ELOVL4: variants seen among roughly 807,000 people sequenced by gnomAD.
The protein encoded by ELOVL4 is very long chain fatty acid elongase 4.
Under a neutral mutation model 42.1 loss-of-function variants are expected in ELOVL4, and 18 were observed. That is an observed-to-expected ratio of 0.43 (90% CI 0.30 to 0.63). ELOVL4 has a LOEUF of 0.63. Ranked by LOEUF, ELOVL4 falls within the 30% of genes least tolerant of loss-of-function variation. The pLI, the probability that ELOVL4 is intolerant of heterozygous loss-of-function variation, is 0.15. For missense variants in ELOVL4, 299 were observed against 376.2 expected (o/e 0.79, Z 1.70); for synonymous variants, 117 against 127.0 (o/e 0.92, Z 0.53).
chr6:79,946,651 T>G (rs1485190649), intron 1 of ELOVL4, among the ~76,000 whole-genome samples: 1 of 152,194 alleles, frequency 6.6e-6, no homozygotes, highest in East Asian at 1.9e-4. Context: ...CAGTCCGAAT[T>G]ATACTATAGA....
At chr6:79,941,438 TTA>T (rs1482092402) in intron 1 of ELOVL4, among the ~76,000 whole-genome samples, 5 of 152,196 alleles carry the variant, frequency 3.3e-5, no homozygotes, top group African/African-American at 1.2e-4. Context: ...ATATCTGATT[TTA>T]TATGTCTTGG....
At chr6:79,916,907 A>G (rs995107040) in intron 5 of ELOVL4, 24 bp from the exon 6 acceptor site, 5 of 1,613,810 alleles carry the variant, frequency 3.1e-6, no homozygotes, top group Non-Finnish European at 4.2e-6. Flanking sequence ...ATGACAGCAC[A>G]AAACATTTAA....
intron 1 of ELOVL4, among the ~76,000 whole-genome samples, chr6:79,942,414 T>TA (rs1582056694): frequency 1.3e-5 from 2 of 152,276 alleles, no homozygotes; most frequent in South Asian, 2.1e-4. Context: ...TGAAAAAAGA[T>TA]AGACTGTTAC....
At chr6:79,942,934 G>A (rs151278157) in intron 1 of ELOVL4, among the ~76,000 whole-genome samples, 1 of 151,558 alleles carries the variant, frequency 6.6e-6, no homozygotes, top group African/African-American at 2.4e-5. Context: ...GAGCTTATGA[G>A]TAAAGGATAA....
chr6:79,940,673 G>A (rs1011658033), intron 1 of ELOVL4, among the ~76,000 whole-genome samples: 1 of 152,142 alleles, frequency 6.6e-6, no homozygotes, highest in African/African-American at 2.4e-5. Context: ...TAAAGGTTAT[G>A]TAGTTCAACC....
At chr6:79,925,553 G>T (rs1443388060) in intron 2 of ELOVL4, among the ~76,000 whole-genome samples, 1 of 152,090 alleles carries the variant, frequency 6.6e-6, no homozygotes, top group Non-Finnish European at 1.5e-5. Context: ...AGTCTCTTAG[G>T]AAACAAATTC....
rs765591638 is a variant in ELOVL4 at position 79,916,990 on chromosome 6, C to A, written c.670-107G>T. ...TATCACAGGCCCAAATTTTGCCACA[C>A]TGTGCAAAATTTATTGTTTTCTGGC... On this transcript the variant is annotated intron_variant, in intron 5 of 5. Coordinates refer to ENST00000369816, the MANE Select transcript of ELOVL4 (RefSeq NM_022726.4). The A allele has an allele frequency of 2.1e-5, 28 of 1,304,954 alleles. 1 individual carries two copies. Among genetic ancestry groups the A allele is most frequent in the Non-Finnish European group, 3.0e-5 (28 of 924,386 alleles). The allele number at this position is 1,304,954 out of a possible 1,614,324, so 80.8% of individuals were successfully genotyped here. A position where few individuals can be genotyped will look rare whatever the true frequency, so the allele number is the denominator to read the frequency against.
At chr6:79,917,453 A>G (rs751525618) in intron 5 of ELOVL4, among the ~76,000 whole-genome samples, 21 of 152,238 alleles carry the variant, frequency 1.4e-4, no homozygotes, top group Non-Finnish European at 2.5e-4. Flanking sequence ...GAGCTTATCA[A>G]AATGGCTCAT....
chr6:79,926,481 T>A, intron 1 of ELOVL4, 100 bp from the exon 2 acceptor site: 1 of 1,209,026 alleles, frequency 8.3e-7, no homozygotes, highest in Non-Finnish European at 1.2e-6. Context: ...TTTCCTAATT[T>A]GACTAAATAC....
chr6:79,942,034 G>A (rs983146736), intron 1 of ELOVL4, among the ~76,000 whole-genome samples: 1 of 152,226 alleles, frequency 6.6e-6, no homozygotes, highest in Non-Finnish European at 1.5e-5. Context: ...CTTTGCAAAG[G>A]AGGACTATTG....
intron 2 of ELOVL4, among the ~76,000 whole-genome samples, chr6:79,925,922 CT>C (rs1774335138): frequency 6.6e-6 from 1 of 152,090 alleles, no homozygotes; most frequent in South Asian, 2.1e-4. Context: ...GAAAACGAGG[CT>C]AAGAAAAGTT....
Position 79,916,136 on chromosome 6 carries a change from G to A in ELOVL4, c.*472C>T, listed in dbSNP as rs1774156130. 1 of 166,108 alleles carries A rather than the reference G, an allele frequency of 6.0e-6. No homozygotes were observed. The highest frequency in any genetic ancestry group is 2.4e-5 in the African/African-American group (1 of 41,540). The allele number at this position is 166,108 out of a possible 1,614,324, so 10.3% of individuals were successfully genotyped here. On this transcript the variant is annotated 3_prime_UTR_variant, in exon 6 of 6. Coordinates refer to ENST00000369816, the MANE Select transcript of ELOVL4 (RefSeq NM_022726.4). ...CCGGTCAGCAAATGAATTCAAATGTGCAAGTTTAAGTGTATACACATTTTC... is the reference window on the plus strand; with the variant it reads ...CCGGTCAGCAAATGAATTCAAATGTACAAGTTTAAGTGTATACACATTTTC...
intron 3 of ELOVL4, 38 bp downstream of exon 3, chr6:79,924,914 C>T (rs1287918350): frequency 7.5e-7 from 1 of 1,329,746 alleles, no homozygotes; most frequent in Admixed American, 1.7e-5. Flanking sequence ...AAAAATCAAA[C>T]CACTTTTACT....
intron 1 of ELOVL4, among the ~76,000 whole-genome samples, chr6:79,929,548 C>G (rs184684951): frequency 6.6e-6 from 1 of 152,264 alleles, no homozygotes; most frequent in African/African-American, 2.4e-5. Flanking sequence ...GCCCATGCAG[C>G]CCATTTCTAA....
intron 1 of ELOVL4, among the ~76,000 whole-genome samples, chr6:79,933,356 A>G (rs996242382): frequency 2.4e-4 from 36 of 152,084 alleles, no homozygotes; most frequent in Non-Finnish European, 4.7e-4. Context: ...TCAGCCACCC[A>G]AGTAGCTTGG....
chr6:79,919,338 A>G (rs1402095951), intron 5 of ELOVL4, 82 bp downstream of exon 5: 1 of 1,495,408 alleles, frequency 6.7e-7, no homozygotes, highest in Non-Finnish European at 9.3e-7. Context: ...AATTGTCTAA[A>G]ATGACATTGC....
At chr6:79,944,880 CT>C (rs763908747) in intron 1 of ELOVL4, among the ~76,000 whole-genome samples, 3 of 149,754 alleles carry the variant, frequency 2.0e-5, no homozygotes, top group Non-Finnish European at 3.0e-5. Context: ...GACTCACCAA[CT>C]TTTGTTTAAC....
Position 79,915,161 on chromosome 6 carries a change from T to C in ELOVL4, c.*1447A>G, listed in dbSNP as rs1774136433. 1 of 152,416 alleles carries C rather than the reference T, an allele frequency of 6.6e-6. No individual in the cohort carries two copies. The highest frequency in any genetic ancestry group is 1.5e-5 in the Non-Finnish European group (1 of 67,996). The allele number at this position is 152,416 out of a possible 1,614,324, so 9.4% of individuals were successfully genotyped here. On this transcript the variant is annotated 3_prime_UTR_variant, in exon 6 of 6. Transcript: ENST00000369816. ...AGATACTTAAGAAATATTCATGCTT[T>C]TTTTTGGTCACATTTTGTCTTTCTC...
chr6:79,930,085 C>G (rs1774417860), intron 1 of ELOVL4, among the ~76,000 whole-genome samples: 1 of 152,178 alleles, frequency 6.6e-6, no homozygotes, highest in Non-Finnish European at 1.5e-5. Context: ...GGCATAATAA[C>G]TTTATCCTCA....
Sources: allele counts gnomAD v4.1 joint callset (sites outside exome capture counted in the v4.1 genomes callset), GRCh38; gene constraint gnomAD v4.1.1; transcripts MANE v1.5; gene names NCBI Gene and HGNC (gene_info 2026-07-23, HGNC 2026-07-21).